Variants in TMEM232 observed in about 807,000 individuals in gnomAD.
The protein encoded by TMEM232 is transmembrane protein 232.
In TMEM232, 80 loss-of-function variants were observed where a neutral mutation model predicts 78.8. The ratio of observed to expected loss-of-function variants is 1.01; its 90% CI spans 0.85 to 1.22. The LOEUF is 1.22. Ranked by LOEUF, TMEM232 falls within the 50% of genes most tolerant of loss-of-function variation. The pLI is 0.00. For missense variants in TMEM232, 881 were observed against 742.2 expected, an observed-to-expected ratio of 1.19 and a Z score of -2.17; for synonymous variants, 297 against 254.3, an observed-to-expected ratio of 1.17 and a Z score of -1.60.
At chr5:110,637,792 G>T (rs1040934836) in intron 5 of TMEM232, among the ~76,000 whole-genome samples, 2 of 151,892 alleles carry the variant, frequency 1.3e-5, no homozygotes, top group Non-Finnish European at 2.9e-5. Flanking sequence ...GATCTAAAGT[G>T]ACATAGAATA....
intron 2 of TMEM232, among the ~76,000 whole-genome samples, chr5:110,646,575 T>A (rs1363285603): frequency 6.6e-6 from 1 of 151,746 alleles, no homozygotes; most frequent in East Asian, 1.9e-4. Context: ...GACTTAAATG[T>A]AAGGCCTGAA....
At chr5:110,562,225 A>T (rs1775833712) in intron 11 of TMEM232, among the ~76,000 whole-genome samples, 1 of 152,090 alleles carries the variant, frequency 6.6e-6, no homozygotes, top group African/African-American at 2.4e-5. Context: ...GTTTCCATGA[A>T]ACCACCTAAG....
At chr5:110,497,081 T>G (rs1458074030) in intron 12 of TMEM232, among the ~76,000 whole-genome samples, 2 of 151,946 alleles carry the variant, frequency 1.3e-5, no homozygotes, top group African/African-American at 4.8e-5. Context: ...GGAATTTGGA[T>G]CAGATATATC....
chr5:110,410,733 C>T (rs1018104952), intron 2 of TMEM232, among the ~76,000 whole-genome samples: 3 of 151,912 alleles, frequency 2.0e-5, no homozygotes, highest in Non-Finnish European at 2.9e-5. Context: ...AATCCTTAAA[C>T]AAAAAAGTGA....
intron 12 of TMEM232, among the ~76,000 whole-genome samples, chr5:110,455,973 G>A (rs948443591): frequency 1.3e-5 from 2 of 152,190 alleles, no homozygotes; most frequent in Non-Finnish European, 2.9e-5. Flanking sequence ...AGGGATCTAT[G>A]AAAATCTACA....
intron 11 of TMEM232, among the ~76,000 whole-genome samples, chr5:110,547,998 CA>C (rs938444289): frequency 0.042 from 2,034 of 48,660 alleles, 32 homozygotes; most frequent in African/African-American, 0.1. Context: ...ACTCCATCTC[CA>C]AAAAAAAAAA....
chr5:110,688,328 A>C (rs1333776949), intron 1 of TMEM232, among the ~76,000 whole-genome samples: 1 of 152,196 alleles, frequency 6.6e-6, no homozygotes, highest in Non-Finnish European at 1.5e-5. Context: ...TGATTTCAGA[A>C]GACAAAAGTA....
At chr5:110,518,108 A>G (rs1768946560) in intron 12 of TMEM232, among the ~76,000 whole-genome samples, 1 of 145,404 alleles carries the variant, frequency 6.9e-6, no homozygotes, top group Non-Finnish European at 1.5e-5. Flanking sequence ...TTTTTCACAT[A>G]TTTCCTCTAT....
chr5:110,727,080 G>A (rs180740473), upstream of TMEM232, among the ~76,000 whole-genome samples: 1 of 152,086 alleles, frequency 6.6e-6, no homozygotes, highest in Non-Finnish European at 1.5e-5. Flanking sequence ...CTCAGCACCC[G>A]TCAGTGAGTA....
intron 2 of TMEM232, among the ~76,000 whole-genome samples, chr5:110,651,478 G>C (rs1040670333): frequency 6.6e-6 from 1 of 151,418 alleles, no homozygotes; most frequent in Non-Finnish European, 1.5e-5. Context: ...GAGGGAAGGA[G>C]GGAGGGAGGG....
intron 12 of TMEM232, among the ~76,000 whole-genome samples, chr5:110,427,458 A>C (rs1051745984): frequency 1.3e-5 from 2 of 151,982 alleles, no homozygotes; most frequent in East Asian, 1.9e-4. Flanking sequence ...TTTTGTCGGC[A>C]TTAAATGAGA....
intron 12 of TMEM232, chr5:110,430,136 AC>A (rs1757670308): frequency 6.6e-6 from 1 of 151,270 alleles, no homozygotes; most frequent in African/African-American, 2.4e-5. Flanking sequence ...GAAAAAAAAA[AC>A]TAATTAAATC....
chr5:110,720,068 T>C (rs1002110169), intron 1 of TMEM232, among the ~76,000 whole-genome samples: 3 of 152,122 alleles, frequency 2.0e-5, no homozygotes, highest in African/African-American at 7.2e-5. Flanking sequence ...AAGAGCAGCA[T>C]TAGGCTTGAA....
chr5:110,493,382 GAA>G (rs530425968), intron 12 of TMEM232, among the ~76,000 whole-genome samples: 2 of 119,300 alleles, frequency 1.7e-5, no homozygotes, highest in Non-Finnish European at 1.9e-5. Context: ...CCAAGACATT[GAA>G]AAAAAAAAAA....
intron 12 of TMEM232, among the ~76,000 whole-genome samples, chr5:110,512,094 T>C (rs1467148841): frequency 6.6e-6 from 1 of 152,170 alleles, no homozygotes; most frequent in African/African-American, 2.4e-5. Context: ...ATCATACTCA[T>C]CATTACAGAG....
chr5:110,686,866 G>A (rs1793478040), intron 1 of TMEM232, among the ~76,000 whole-genome samples: 2 of 152,160 alleles, frequency 1.3e-5, no homozygotes, highest in African/African-American at 4.8e-5. Context: ...CCAAGGCTCT[G>A]TCTAAATCTT....
At chr5:110,613,491 T>C (rs1297475968) in intron 8 of TMEM232, among the ~76,000 whole-genome samples, 4 of 152,166 alleles carry the variant, frequency 2.6e-5, no homozygotes, top group African/African-American at 9.6e-5. Flanking sequence ...TTTCCTGAAA[T>C]GTACGGCAAA....
At chr5:110,628,922 C>T (rs911247876) in intron 5 of TMEM232, 1 of 151,912 alleles carries the variant, frequency 6.6e-6, no homozygotes, top group East Asian at 1.9e-4. Flanking sequence ...TTTTTTATTA[C>T]AAACCTCTAT....
At chr5:110,591,520 A>G (rs1449746135) in intron 10 of TMEM232, among the ~76,000 whole-genome samples, 2 of 152,204 alleles carry the variant, frequency 1.3e-5, no homozygotes, top group Non-Finnish European at 2.9e-5. Context: ...TAATAATATT[A>G]AACTACATTA....
Sources: allele counts gnomAD v4.1 joint callset (sites outside exome capture counted in the v4.1 genomes callset), GRCh38; gene constraint gnomAD v4.1.1; transcripts MANE v1.5; gene names NCBI Gene and HGNC (gene_info 2026-07-23, HGNC 2026-07-21).